The following SOX5 variants were observed in gnomAD, a reference collection of about 807,000 sequenced individuals.
SOX5 encodes SRY-box transcription factor 5.
SOX5 carries 9 observed loss-of-function variants against 92.0 expected under a neutral mutation model. The observed-to-expected ratio is 0.10, with a 90% CI of 0.06 to 0.17. The LOEUF is 0.17. Ranked by LOEUF, SOX5 falls within the 10% of genes least tolerant of loss-of-function variation. SOX5 has a pLI of 1.00. For synonymous variants in SOX5, 344 were observed against 336.3 expected (o/e 1.02, Z -0.25); for missense variants, 642 against 944.5 (o/e 0.68, Z 4.20).
intron 1 of SOX5, among the ~76,000 whole-genome samples, chr12:23,899,317 C>T (rs944422395): frequency 6.6e-6 from 1 of 151,402 alleles, no homozygotes; most frequent in Non-Finnish European, 1.5e-5. Flanking sequence ...AGGAGAATCA[C>T]TTGAACCTGG....
chr12:24,430,264 T>C (rs1807113426), intron 1 of SOX5, among the ~76,000 whole-genome samples: 1 of 152,164 alleles, frequency 6.6e-6, no homozygotes, highest in African/African-American at 2.4e-5. Context: ...TGGCCAGGCC[T>C]TCCAGAGAAT....
chr12:24,054,932 C>T (rs962109084), intron 4 of SOX5, among the ~76,000 whole-genome samples: 6 of 151,934 alleles, frequency 3.9e-5, no homozygotes, highest in Non-Finnish European at 5.9e-5. Flanking sequence ...GAGTGAGGCG[C>T]GTGGAAACTG....
At chr12:23,783,479 AAT>A (rs966041171) in intron 3 of SOX5, among the ~76,000 whole-genome samples, 1 of 152,212 alleles carries the variant, frequency 6.6e-6, no homozygotes. Flanking sequence ...ACAATTTAGA[AAT>A]ATAGTAAATT....
chr12:23,653,924 A>G (rs1171709191), intron 7 of SOX5, among the ~76,000 whole-genome samples: 2 of 152,138 alleles, frequency 1.3e-5, no homozygotes, highest in African/African-American at 2.4e-5. Flanking sequence ...AATGCCTGAC[A>G]CACTTAAGCC....
chr12:24,375,671 T>C (rs1488846927), intron 1 of SOX5, among the ~76,000 whole-genome samples: 10 of 149,300 alleles, frequency 6.7e-5, no homozygotes, highest in Non-Finnish European at 1.5e-4. Flanking sequence ...AGGAGGTGGA[T>C]GTTGCAGTGA....
chr12:24,554,002 A>G (rs780383213), intron 1 of SOX5, among the ~76,000 whole-genome samples: 4 of 152,254 alleles, frequency 2.6e-5, no homozygotes, highest in Non-Finnish European at 5.9e-5. Context: ...AGACAGAATT[A>G]TAAGAAATAG....
At chr12:23,805,955 A>C (rs539488217) in intron 3 of SOX5, among the ~76,000 whole-genome samples, 133 of 152,322 alleles carry the variant, frequency 8.7e-4, no homozygotes, top group Non-Finnish European at 1.5e-4. Flanking sequence ...GTGCAGATAT[A>C]GACAGAATAC....
intron 1 of SOX5, among the ~76,000 whole-genome samples, chr12:24,384,939 G>T (rs988632421): frequency 6.6e-6 from 1 of 152,016 alleles, no homozygotes; most frequent in Non-Finnish European, 1.5e-5. Flanking sequence ...CATTTATCTC[G>T]CTTCATCTCA....
chr12:24,521,876 C>T (rs1950292362), intron 1 of SOX5, among the ~76,000 whole-genome samples: 1 of 151,556 alleles, frequency 6.6e-6, no homozygotes, highest in Admixed American at 6.6e-5. Flanking sequence ...CCCAAATAAA[C>T]AATCTAATTG....
intron 3 of SOX5, among the ~76,000 whole-genome samples, chr12:23,757,584 C>G (rs1029896924): frequency 6.6e-6 from 1 of 151,864 alleles, no homozygotes; most frequent in Non-Finnish European, 1.5e-5. Context: ...TTTTCCAGCA[C>G]TCTACAAAAA....
At chr12:24,417,778 CATG>C (rs917091045) in intron 1 of SOX5, among the ~76,000 whole-genome samples, 33 of 152,136 alleles carry the variant, frequency 2.2e-4, no homozygotes, top group African/African-American at 7.5e-4. Flanking sequence ...TCAAGAAAAA[CATG>C]GTGGTGGTGG....
At chr12:23,990,365 C>T (rs925181927) in intron 4 of SOX5, among the ~76,000 whole-genome samples, 1 of 152,152 alleles carries the variant, frequency 6.6e-6, no homozygotes, top group Non-Finnish European at 1.5e-5. Context: ...AATCAAGGAC[C>T]TTGACGATCT....
intron 3 of SOX5, among the ~76,000 whole-genome samples, chr12:23,790,548 T>TCTCTCTCACACACA (rs1340837266): frequency 7.3e-6 from 1 of 137,322 alleles, no homozygotes; most frequent in African/African-American, 2.8e-5. Flanking sequence ...TCTCAATCTC[T>TCTCTCTCACACACA]CACACACACA....
At chr12:24,364,807 C>A (rs139154161) in intron 2 of SOX5, among the ~76,000 whole-genome samples, 184 of 152,056 alleles carry the variant, frequency 1.2e-3, no homozygotes, top group African/African-American at 4.3e-3. Flanking sequence ...GAGAACAAAA[C>A]AAAATCTATA....
At chr12:24,068,694 G>GTC (rs1569531853) in intron 4 of SOX5, among the ~76,000 whole-genome samples, 1 of 56,460 alleles carries the variant, frequency 1.8e-5, no homozygotes, top group African/African-American at 7.2e-5. Flanking sequence ...GTGTGTGTGT[G>GTC]TGTGTGTGTG....
At chr12:24,426,671 C>T (rs1165382198) in intron 1 of SOX5, among the ~76,000 whole-genome samples, 1 of 152,176 alleles carries the variant, frequency 6.6e-6, no homozygotes, top group Non-Finnish European at 1.5e-5. Context: ...TGCTTTTCTT[C>T]CAGAATTTCA....
chr12:23,704,804 T>C (rs542497406), intron 6 of SOX5, among the ~76,000 whole-genome samples: 1 of 149,816 alleles, frequency 6.7e-6, no homozygotes, highest in East Asian at 2.0e-4. Flanking sequence ...ATAGAAGACA[T>C]TCATAACATT....
intron 3 of SOX5, among the ~76,000 whole-genome samples, chr12:24,247,279 C>T (rs1217594021): frequency 2.0e-5 from 3 of 149,682 alleles, no homozygotes; most frequent in Non-Finnish European, 4.5e-5. Flanking sequence ...TGATTCTAGA[C>T]TGAGATACTT....
rs112831867 is a variant in SOX5 at position 24,160,850 on chromosome 12, G to C, written c.-2+52493C>G. On this transcript the variant is annotated intron_variant, in intron 4 of 4. Transcript: ENST00000446891. ...AGGAAGTTGTAAAAATTATTTTTCA[G>C]GGGATGACCTCATAGTACACTGCCT... Among the ~76,000 whole-genome samples the C allele has an allele frequency of 3.1e-4, 47 of 152,126 alleles. 1 individual carries two copies. The highest frequency in any genetic ancestry group is 1.1e-3 in the African/African-American group (45 of 41,516).
Sources: gnomAD v4.1 joint callset for allele counts (sites outside exome capture counted in the v4.1 genomes callset) on GRCh38, gnomAD v4.1.1 for gene constraint, MANE v1.5 for transcripts, NCBI Gene and HGNC (gene_info 2026-07-23, HGNC 2026-07-21) for gene names.